The following PIWIL3 variants were observed in gnomAD, a reference collection of about 807,000 sequenced individuals.
PIWIL3 encodes piwi-like protein 3.
PIWIL3 carries 101 observed loss-of-function variants against 109.7 expected under a neutral mutation model. The observed-to-expected ratio is 0.92, with a 90% CI of 0.78 to 1.09. The LOEUF is 1.09. PIWIL3 is among the 50% of genes least tolerant of loss of function. PIWIL3 has a pLI of 0.00. For synonymous variants in PIWIL3, 373 were observed against 376.4 expected, an observed-to-expected ratio of 0.99 and a Z score of 0.10; for missense variants, 1,031 against 1,072.6, an observed-to-expected ratio of 0.96 and a Z score of 0.54.
At chr22:24,734,588 T>A (rs1019938248) in intron 13 of PIWIL3, among the ~76,000 whole-genome samples, 37 of 152,166 alleles carry the variant, frequency 2.4e-4, no homozygotes, top group African/African-American at 8.9e-4. Context: ...AGGCTCAGCA[T>A]GGACAACTGT....
chr22:24,735,962 C>T (rs1923633880), intron 12 of PIWIL3, 70 bp from the exon 13 acceptor site: 2 of 1,277,474 alleles, frequency 1.6e-6, no homozygotes, highest in South Asian at 1.6e-5. Flanking sequence ...ATCCTGTACG[C>T]TGTAAATCCG....
Position 24,719,594 on chromosome 22 carries a change from G to A in PIWIL3, c.2506-6C>T, listed in dbSNP as rs1922538112. 2 of 1,575,924 alleles carry A rather than the reference G, an allele frequency of 1.3e-6. No individual in the cohort carries two copies. Among genetic ancestry groups the A allele is most frequent in the East Asian group, 2.2e-5 (1 of 44,578 alleles). On this transcript the variant is annotated splice_polypyrimidine_tract_variant and splice_region_variant and intron_variant, in intron 20 of 20. Coordinates refer to ENST00000616349, the MANE Select transcript of PIWIL3 (RefSeq NM_001255975.1). The stretch of plus-strand genomic sequence containing the variant: ...GCTGGAACTCGGATGATGCCCTTTA[G>A]TAGGAAAAGAAAATACACAACTAAA...
intron 1 of PIWIL3, among the ~76,000 whole-genome samples, chr22:24,769,993 C>T (rs1241849459): frequency 6.6e-6 from 1 of 151,540 alleles, no homozygotes; most frequent in Non-Finnish European, 1.5e-5. Context: ...AGGATAATGA[C>T]AAAAAAAAGT....
chr22:24,748,860 T>C (rs1283056778), intron 12 of PIWIL3, 47 bp downstream of exon 12: 1 of 1,471,458 alleles, frequency 6.8e-7, no homozygotes, highest in African/African-American at 1.4e-5. Flanking sequence ...TTTGCTTTAC[T>C]CTTCATTTGA....
intron 12 of PIWIL3, among the ~76,000 whole-genome samples, chr22:24,740,281 G>A (rs1458551612): frequency 6.7e-6 from 1 of 149,624 alleles, no homozygotes; most frequent in African/African-American, 2.5e-5. Context: ...GGGCACAATG[G>A]CCCACTCCTG....
intron 7 of PIWIL3, 92 bp from the exon 8 acceptor site, chr22:24,754,309 T>C (rs1478009017): frequency 3.0e-6 from 3 of 993,984 alleles, no homozygotes; most frequent in Non-Finnish European, 4.4e-6. Flanking sequence ...AATTGGTACT[T>C]AGGAGTCAGT....
chr22:24,733,332 C>T (rs1455801461), intron 14 of PIWIL3, among the ~76,000 whole-genome samples: 1 of 151,638 alleles, frequency 6.6e-6, no homozygotes, highest in Non-Finnish European at 1.5e-5. Context: ...TCAGATACAA[C>T]ATAATGACAA....
intron 1 of PIWIL3, among the ~76,000 whole-genome samples, chr22:24,763,561 A>G (rs1045177682): frequency 8.6e-5 from 13 of 152,016 alleles, no homozygotes; most frequent in Non-Finnish European, 1.9e-4. Context: ...CAGCCTCCCA[A>G]AGTGCTGCGA....
intron 4 of PIWIL3, among the ~76,000 whole-genome samples, chr22:24,757,550 C>T (rs1425459097): frequency 1.7e-5 from 2 of 114,482 alleles, no homozygotes; most frequent in Non-Finnish European, 3.9e-5. Context: ...GTTTGGAAGG[C>T]CCAGGTGTAA....
At chr22:24,763,651 C>T (rs535649757) in intron 1 of PIWIL3, among the ~76,000 whole-genome samples, 1 of 152,258 alleles carries the variant, frequency 6.6e-6, no homozygotes, top group East Asian at 1.9e-4. Context: ...CACAGAGACT[C>T]ACAAGACACT....
intron 17 of PIWIL3, among the ~76,000 whole-genome samples, 193 bp downstream of exon 17, chr22:24,725,252 A>G (rs1204595638): frequency 1.3e-5 from 2 of 152,160 alleles, no homozygotes; most frequent in Non-Finnish European, 2.9e-5. Context: ...GGGTCAACCT[A>G]TGCATGGTAG....
At chr22:24,768,993 A>T (rs5760628) in intron 1 of PIWIL3, among the ~76,000 whole-genome samples, 6 of 152,044 alleles carry the variant, frequency 3.9e-5, no homozygotes, top group Admixed American at 2.0e-4. Flanking sequence ...AAAGAGCCGC[A>T]AGGTGGTGCT....
intron 14 of PIWIL3, among the ~76,000 whole-genome samples, chr22:24,730,378 A>AAAC (rs1395955585): frequency 9.9e-5 from 15 of 151,754 alleles, no homozygotes; most frequent in African/African-American, 3.6e-4. Context: ...AAAAAAAAAA[A>AAAC]AAAAAGCATT....
chr22:24,734,171 T>G lies in PIWIL3; in HGVS notation c.1635-15A>C, dbSNP rs372523393. The G allele has an allele frequency of 1.8e-5, 29 of 1,608,582 alleles. 1 individual carries two copies. The Middle Eastern group carries it at 5.0e-4, about 28-fold the overall frequency. ...CTACTTCAATCCTAAAAAATAAATA[T>G]AGCATCCACATCCAAAAGATACCAA... is the stretch of plus-strand genomic sequence containing the variant. On this transcript the variant is annotated splice_polypyrimidine_tract_variant and intron_variant, in intron 13 of 20. Transcript: ENST00000616349.
intron 2 of PIWIL3, among the ~76,000 whole-genome samples, chr22:24,761,646 G>C (rs760316912): frequency 2.6e-5 from 4 of 152,100 alleles, no homozygotes; most frequent in Non-Finnish European, 4.4e-5. Context: ...GCTTTAGGTA[G>C]GAACAAAGAT....
intron 19 of PIWIL3, among the ~76,000 whole-genome samples, chr22:24,722,782 T>C (rs974697849): frequency 1.3e-5 from 2 of 152,174 alleles, no homozygotes; most frequent in African/African-American, 4.8e-5. Context: ...GGTCGTGATA[T>C]AGTCAATATA....
chr22:24,748,907 CATTCTT>C lies in PIWIL3; in HGVS notation c.1443_1448del (p.Arg482_Met483del). 2 of 1,603,192 alleles carry C rather than the reference CATTCTT, an allele frequency of 1.2e-6. No individual in the cohort carries two copies. Among genetic ancestry groups the C allele is most frequent in the South Asian group, 2.2e-5 (2 of 89,780 alleles). ...CATGATGATTTTGAAACTGTCTTAC[CATTCTT>C]CTGCCTTGCACGATGTTTGCGTTTT... On this transcript the variant is annotated inframe_deletion and splice_region_variant, in exon 12 of 21. Coordinates refer to ENST00000616349, the MANE Select transcript of PIWIL3 (RefSeq NM_001255975.1).
Position 24,762,389 on chromosome 22 carries a change from A to G in PIWIL3, c.102+9T>C. 1 of 1,609,424 alleles carries G rather than the reference A, an allele frequency of 6.2e-7. No homozygotes were observed. Among genetic ancestry groups the G allele is most frequent in the Non-Finnish European group, 8.5e-7 (1 of 1,178,474 alleles). On this transcript the variant is annotated intron_variant, in intron 2 of 20. Transcript: ENST00000616349. ...TCTTGCAGAAAGGAAACAACGTTAC[A>G]GGGCTCACTGTAGCTGATCCAGGTG...
At chr22:24,724,111 C>T (rs896889902) in intron 18 of PIWIL3, among the ~76,000 whole-genome samples, 4 of 152,172 alleles carry the variant, frequency 2.6e-5, no homozygotes, top group African/African-American at 9.7e-5. Context: ...GCTTTGCATT[C>T]TGACTTGCGT....
Sources: allele counts gnomAD v4.1 joint callset (sites outside exome capture counted in the v4.1 genomes callset), GRCh38; gene constraint gnomAD v4.1.1; transcripts MANE v1.5; gene names NCBI Gene and HGNC (gene_info 2026-07-23, HGNC 2026-07-21).